The following UTY variants were observed in gnomAD, a reference collection of about 807,000 sequenced individuals.
UTY encodes histone demethylase UTY.
Under a neutral mutation model 32.5 loss-of-function variants are expected in UTY, and 12 were observed. The ratio of observed to expected loss-of-function variants is 0.37; its 90% CI spans 0.24 to 0.60. UTY has a LOEUF of 0.60. Among genes scored for constraint, UTY ranks in the 20% least tolerant of loss-of-function variants. The pLI is 0.69. For missense variants in UTY, 303 were observed against 299.2 expected, an observed-to-expected ratio of 1.01 and a Z score of -0.09; for synonymous variants, 131 against 103.4, an observed-to-expected ratio of 1.27 and a Z score of -1.62.
At chrY:13,325,881 T>C (rs2060209558) in intron 19 of UTY, among the ~76,000 whole-genome samples, 1 of 33,955 alleles carries the variant, frequency 2.9e-5, no homozygotes. Context: ...GGCCAGATAA[T>C]AAATATTTTT....
intron 27 of UTY, among the ~76,000 whole-genome samples, chrY:13,269,542 T>C: frequency 3.5e-5 from 1 of 28,270 alleles, no homozygotes; most frequent in African/African-American, 1.6e-4. Context: ...CAGGCTCCAC[T>C]GTGGGCATGA....
At chrY:13,277,849 C>T (rs953850835) in intron 27 of UTY, among the ~76,000 whole-genome samples, 10 of 33,410 alleles carry the variant, frequency 3.0e-4, no homozygotes, top group African/African-American at 8.2e-4. Flanking sequence ...AGTGCTGTAC[C>T]GGGCTCAGAG....
intron 27 of UTY, among the ~76,000 whole-genome samples, chrY:13,264,616 T>C (rs760766829): frequency 3.0e-5 from 1 of 33,767 alleles, no homozygotes; most frequent in South Asian, 6.5e-4. Context: ...AGTTTTTTTT[T>C]CTTGTAAATT....
chrY:13,430,214 T>C, intron 4 of UTY, among the ~76,000 whole-genome samples: 1 of 33,670 alleles, frequency 3.0e-5, no homozygotes, highest in South Asian at 6.7e-4. Flanking sequence ...ATCAGAGTGA[T>C]ATTGGCCTCA....
intron 3 of UTY, among the ~76,000 whole-genome samples, chrY:13,464,149 G>C (rs2077672548): frequency 3.0e-5 from 1 of 33,699 alleles, no homozygotes; most frequent in Non-Finnish European, 7.3e-5. Context: ...TGAATCTCTA[G>C]CTAAAAGATC....
intron 27 of UTY, among the ~76,000 whole-genome samples, chrY:13,283,221 T>C: frequency 5.8e-5 from 2 of 34,357 alleles, no homozygotes; most frequent in South Asian, 6.3e-4. Context: ...AGTGCCTGCA[T>C]TGGCACTTTT....
At chrY:13,397,627 G>A (rs2149540299) in intron 6 of UTY, among the ~76,000 whole-genome samples, 1 of 32,978 alleles carries the variant, frequency 3.0e-5, no homozygotes, top group East Asian at 7.7e-4. Flanking sequence ...TTAAAACAGG[G>A]TGCTAAACAT....
chrY:13,240,980 CA>C (rs1164395052), intron 28 of UTY, among the ~76,000 whole-genome samples: 657 of 13,037 alleles, frequency 0.05, no homozygotes, highest in Middle Eastern at 0.47. Flanking sequence ...GACACTGTCT[CA>C]AAAAAAAAAA....
chrY:13,352,869 C>T (rs2062538319), intron 17 of UTY, among the ~76,000 whole-genome samples: 1 of 34,072 alleles, frequency 2.9e-5, no homozygotes, highest in African/African-American at 1.1e-4. Flanking sequence ...AAAGCCTAAT[C>T]CAGAAAAAGG....
intron 28 of UTY, among the ~76,000 whole-genome samples, chrY:13,235,570 A>C: frequency 3.0e-5 from 1 of 33,576 alleles, no homozygotes; most frequent in Non-Finnish European, 7.4e-5. Flanking sequence ...GTCAAACCAA[A>C]GTGGAAATCG....
At chrY:13,342,267 T>C (rs2061546586) in intron 17 of UTY, among the ~76,000 whole-genome samples, 1 of 33,075 alleles carries the variant, frequency 3.0e-5, no homozygotes, top group Non-Finnish European at 7.4e-5. Context: ...AAGGATACAG[T>C]TCAGCTCCTT....
intron 6 of UTY, among the ~76,000 whole-genome samples, chrY:13,408,994 A>G (rs563450316): frequency 7.0e-3 from 234 of 33,478 alleles, no homozygotes; most frequent in African/African-American, 0.026. Context: ...CATATGACTA[A>G]GCAAAGAAAA....
At chrY:13,463,123 T>C in intron 3 of UTY, among the ~76,000 whole-genome samples, 1 of 30,758 alleles carries the variant, frequency 3.3e-5, no homozygotes, top group African/African-American at 1.3e-4. Flanking sequence ...AGTGTTTGTT[T>C]TTTTGTCCCT....
At chrY:13,392,805 G>A in intron 8 of UTY, among the ~76,000 whole-genome samples, 1 of 33,247 alleles carries the variant, frequency 3.0e-5, no homozygotes, top group Non-Finnish European at 7.4e-5. Flanking sequence ...AAACATAAGG[G>A]TAGACCTAAA....
At chrY:13,452,638 T>C (rs2076416906) in intron 3 of UTY, among the ~76,000 whole-genome samples, 2 of 33,609 alleles carry the variant, frequency 6.0e-5, no homozygotes, top group Non-Finnish European at 1.5e-4. Context: ...ATAGCCTTGG[T>C]GGCACAATGC....
chrY:13,308,649 A>C, intron 21 of UTY, among the ~76,000 whole-genome samples: 1 of 33,267 alleles, frequency 3.0e-5, no homozygotes, highest in Non-Finnish European at 7.4e-5. Flanking sequence ...CAGAGTAAAC[A>C]ATGAGTTATT....
intron 24 of UTY, among the ~76,000 whole-genome samples, chrY:13,304,723 A>G: frequency 1.2e-4 from 4 of 32,584 alleles, no homozygotes; most frequent in Admixed American, 8.6e-4. Flanking sequence ...TTGAGCCCCA[A>G]TGAAGTGGAG....
chrY:13,435,419 G>A, intron 4 of UTY, among the ~76,000 whole-genome samples: 4 of 32,968 alleles, frequency 1.2e-4, no homozygotes, highest in African/African-American at 4.8e-4. Flanking sequence ...GTCCAGCTTC[G>A]AGCCTGACTG....
At chrY:13,451,847 G>A in intron 3 of UTY, among the ~76,000 whole-genome samples, 1 of 33,417 alleles carries the variant, frequency 3.0e-5, no homozygotes, top group Middle Eastern at 0.013. Flanking sequence ...TCACACTCAC[G>A]TGGCAGAAAC....
Sources: gnomAD v4.1 joint callset for allele counts (sites outside exome capture counted in the v4.1 genomes callset) on GRCh38, gnomAD v4.1.1 for gene constraint, MANE v1.5 for transcripts, NCBI Gene and HGNC (gene_info 2026-07-23, HGNC 2026-07-21) for gene names.